The following NCKAP5 variants were observed in gnomAD, a reference collection of about 807,000 sequenced individuals.
NCKAP5 encodes the protein nck-associated protein 5.
Under a neutral mutation model 167.0 loss-of-function variants are expected in NCKAP5, and 92 were observed. The ratio of observed to expected loss-of-function variants is 0.55; its 90% CI spans 0.47 to 0.66. The LOEUF (loss-of-function observed/expected upper bound fraction) is 0.66. NCKAP5 is among the 30% of genes least tolerant of loss of function. The pLI is 0.00. For missense variants in NCKAP5, 2,378 were observed against 2,315.0 expected (o/e 1.03, Z -0.56); for synonymous variants, 891 against 877.4 (o/e 1.02, Z -0.27).
intron 3 of NCKAP5, among the ~76,000 whole-genome samples, chr2:133,415,437 T>A (rs1418662523): frequency 6.6e-6 from 1 of 152,242 alleles, no homozygotes; most frequent in African/African-American, 2.4e-5. Context: ...CTATAAGGCA[T>A]CTGGTGACGC....
intron 6 of NCKAP5, among the ~76,000 whole-genome samples, chr2:133,041,900 T>C (rs2079230442): frequency 6.6e-6 from 1 of 152,180 alleles, no homozygotes; most frequent in Non-Finnish European, 1.5e-5. Flanking sequence ...TTAGAATTAT[T>C]TTTTTCTATC....
the NCKAP5 span, among the ~76,000 whole-genome samples, chr2:133,650,867 G>A: frequency 6.6e-5 from 10 of 152,182 alleles, no homozygotes; most frequent in African/African-American, 2.4e-4. Flanking sequence ...GGGTGAGAGA[G>A]CAAGACTCTG....
intron 3 of NCKAP5, among the ~76,000 whole-genome samples, chr2:133,382,230 C>T (rs1484767585): frequency 6.6e-6 from 1 of 152,090 alleles, no homozygotes; most frequent in African/African-American, 2.4e-5. Context: ...GGGGATCATC[C>T]TCTTCTCTAT....
chr2:133,477,129 G>A (rs1679988979), intron 3 of NCKAP5, among the ~76,000 whole-genome samples: 2 of 152,168 alleles, frequency 1.3e-5, no homozygotes, highest in Admixed American at 1.3e-4. Flanking sequence ...AACTATCCTA[G>A]TCAGCAATTA....
intron 19 of NCKAP5, among the ~76,000 whole-genome samples, chr2:132,673,721 A>C (rs958940050): frequency 2.6e-5 from 4 of 152,194 alleles, no homozygotes; most frequent in Non-Finnish European, 4.4e-5. Flanking sequence ...TCTAATAAAA[A>C]AAAGACATAA....
At chr2:132,941,792 C>A (rs1697319387) in intron 8 of NCKAP5, among the ~76,000 whole-genome samples, 1 of 152,126 alleles carries the variant, frequency 6.6e-6, no homozygotes, top group African/African-American at 2.4e-5. Context: ...TGCCATTTCC[C>A]AGCAAAGTGT....
At chr2:133,086,812 C>T (rs575192352) in intron 6 of NCKAP5, among the ~76,000 whole-genome samples, 6 of 152,010 alleles carry the variant, frequency 3.9e-5, no homozygotes, top group South Asian at 4.2e-4. Context: ...AAGAGAAAAC[C>T]GGATTTGTTG....
intron 15 of NCKAP5, among the ~76,000 whole-genome samples, chr2:132,778,411 A>T (rs1682733095): frequency 6.6e-6 from 1 of 152,148 alleles, no homozygotes; most frequent in Non-Finnish European, 1.5e-5. Context: ...TAGTGAACTA[A>T]GCGGAGGTTT....
intron 8 of NCKAP5, among the ~76,000 whole-genome samples, chr2:132,913,591 C>T (rs946152281): frequency 1.6e-4 from 25 of 152,032 alleles, no homozygotes; most frequent in African/African-American, 6.0e-4. Flanking sequence ...TTCCATAAGG[C>T]TGGTTCTTAG....
At chr2:133,064,988 T>C (rs1000556297) in intron 6 of NCKAP5, among the ~76,000 whole-genome samples, 3 of 152,166 alleles carry the variant, frequency 2.0e-5, no homozygotes, top group African/African-American at 7.2e-5. Context: ...GCATTGGAAG[T>C]AATACTTTTT....
At chr2:133,001,360 A>G (rs1437315176) in intron 6 of NCKAP5, among the ~76,000 whole-genome samples, 2 of 152,046 alleles carry the variant, frequency 1.3e-5, no homozygotes, top group East Asian at 3.9e-4. Context: ...CTGGAACTAA[A>G]GACACGAGCC....
At chr2:133,215,210 C>T (rs1477895389) in intron 4 of NCKAP5, among the ~76,000 whole-genome samples, 3 of 152,138 alleles carry the variant, frequency 2.0e-5, no homozygotes, top group Admixed American at 6.5e-5. Context: ...AGGCAGAAAG[C>T]TCCTGTGTGT....
At chr2:133,603,993 T>A in the NCKAP5 span, among the ~76,000 whole-genome samples, 1 of 152,214 alleles carries the variant, frequency 6.6e-6, no homozygotes, top group Non-Finnish European at 1.5e-5. Flanking sequence ...CAGCCCTTAC[T>A]GCTGTGAGTC....
intron 1 of NCKAP5, among the ~76,000 whole-genome samples, chr2:133,563,199 T>C (rs763480968): frequency 2.6e-5 from 4 of 152,202 alleles, no homozygotes; most frequent in Non-Finnish European, 2.9e-5. Flanking sequence ...GACCAAACTT[T>C]ACTAGGCCTA....
At chr2:133,022,031 G>A (rs924279915) in intron 6 of NCKAP5, among the ~76,000 whole-genome samples, 18 of 152,302 alleles carry the variant, frequency 1.2e-4, no homozygotes, top group East Asian at 7.7e-4. Context: ...GGCAGAGGCC[G>A]GACCTAGCAT....
At chr2:133,017,541 G>A (rs2078378991) in intron 6 of NCKAP5, among the ~76,000 whole-genome samples, 1 of 152,018 alleles carries the variant, frequency 6.6e-6, no homozygotes, top group Non-Finnish European at 1.5e-5. Context: ...ATTTTTGAAT[G>A]GAAACATGGC....
intron 5 of NCKAP5, among the ~76,000 whole-genome samples, chr2:133,152,693 A>G (rs891197514): frequency 1.3e-5 from 2 of 152,222 alleles, no homozygotes; most frequent in Middle Eastern, 3.2e-3. Flanking sequence ...TGAAAAGGCT[A>G]TATACTGTAT....
At chr2:132,812,883 G>C (rs1313827324) in intron 11 of NCKAP5, among the ~76,000 whole-genome samples, 4 of 152,186 alleles carry the variant, frequency 2.6e-5, no homozygotes, top group African/African-American at 9.7e-5. Context: ...GTATCCTCAA[G>C]TGGTAGAAAG....
the NCKAP5 span, among the ~76,000 whole-genome samples, chr2:133,618,653 C>T: frequency 6.6e-6 from 1 of 152,276 alleles, no homozygotes; most frequent in South Asian, 2.1e-4. Context: ...AGTCAGCAAA[C>T]AACAGGTGCT....
Sources: allele counts gnomAD v4.1 joint callset (sites outside exome capture counted in the v4.1 genomes callset), GRCh38; gene constraint gnomAD v4.1.1; transcripts MANE v1.5; gene names NCBI Gene and HGNC (gene_info 2026-07-23, HGNC 2026-07-21).